Variants in XPO5 observed in about 807,000 individuals in gnomAD.
XPO5 encodes exportin-5.
A neutral mutation model predicts 160.6 loss-of-function variants in XPO5; 46 were observed. The ratio of observed to expected loss-of-function variants is 0.29; its 90% confidence interval spans 0.23 to 0.37. XPO5 has a LOEUF of 0.37. XPO5 is among the 10% of genes least tolerant of loss of function. The probability of loss-of-function intolerance (pLI) is 1.00; values close to 1 mark genes in which losing one functional copy is unlikely to be tolerated. For missense variants in XPO5, 1,090 were observed against 1,463.9 expected, an observed-to-expected ratio of 0.74 and a Z score of 4.17; for synonymous variants, 537 against 519.3, an observed-to-expected ratio of 1.03 and a Z score of -0.46.
At chr6:43,528,627 C>T (rs1473349047) in intron 24 of XPO5, among the ~76,000 whole-genome samples, 2 of 152,112 alleles carry the variant, frequency 1.3e-5, no homozygotes, top group Non-Finnish European at 2.9e-5. Context: ...CTGAAGCTGT[C>T]TTGTGGCAAT....
rs1793418888 is a variant in XPO5 at position 43,524,463 on chromosome 6, T to C, written c.3477+8A>G. On this transcript the variant is annotated splice_region_variant and intron_variant, in intron 31 of 31. Coordinates refer to ENST00000265351, the MANE Select transcript of XPO5 (RefSeq NM_020750.3). ...GGTTGGGAGCACTATTGAAGGTGCA[T>C]GACCTACCCCAATGCAACCAGCAAT... is the stretch of plus-strand genomic sequence containing the variant. 1 of 1,612,644 alleles carries C rather than the reference T, an allele frequency of 6.2e-7. No individual in the cohort carries two copies. Among genetic ancestry groups the C allele is most frequent in the South Asian group, 1.1e-5 (1 of 90,940 alleles).
intron 21 of XPO5, 98 bp downstream of exon 21, chr6:43,533,809 T>A: frequency 1.2e-6 from 1 of 852,682 alleles, no homozygotes; most frequent in Non-Finnish European, 1.8e-6. Flanking sequence ...CACTCTAGCC[T>A]GGGTGACAGA....
rs542616289 is a variant in XPO5 at position 43,568,890 on chromosome 6, A to G, written c.622-153T>C. Reference sequence around the variant, plus strand: ...TAACACAACTTTACTAAGCACGCATAACTGATATTCCCCTAGGGAGAACAA... The same window carrying G: ...TAACACAACTTTACTAAGCACGCATGACTGATATTCCCCTAGGGAGAACAA... On this transcript the variant is annotated intron_variant, in intron 5 of 31. Transcript: ENST00000265351. Among the ~76,000 whole-genome samples the G allele has an allele frequency of 2.0e-4, 31 of 152,372 alleles. No individual in the cohort carries two copies. The South Asian group carries it at 5.8e-3, about 28-fold the overall frequency.
At chr6:43,539,690 G>A in intron 20 of XPO5, 1 of 791,256 alleles carries the variant, frequency 1.3e-6, no homozygotes, top group East Asian at 2.7e-5. Flanking sequence ...CACTGCACCG[G>A]CGTCATCCGC....
chr6:43,567,418 A>G, intron 6 of XPO5, 64 bp from the exon 7 acceptor site: 2 of 1,416,332 alleles, frequency 1.4e-6, no homozygotes, highest in Non-Finnish European at 9.5e-7. Context: ...ATCAGTGGTT[A>G]TAACTGAACT....
At chr6:43,564,191 T>A (rs1247900359) in intron 8 of XPO5, among the ~76,000 whole-genome samples, 2 of 152,122 alleles carry the variant, frequency 1.3e-5, no homozygotes, top group East Asian at 3.9e-4. Flanking sequence ...TAAAGTGCTG[T>A]GATCACAAGC....
intron 20 of XPO5, among the ~76,000 whole-genome samples, chr6:43,545,331 G>C (rs947059153): frequency 2.6e-5 from 4 of 152,122 alleles, no homozygotes; most frequent in Non-Finnish European, 4.4e-5. Flanking sequence ...GAATAATTTG[G>C]TTTGCCCCGT....
chr6:43,549,522 G>A lies in XPO5; in HGVS notation c.1827C>T (p.Ile609=). 1 of 1,613,234 alleles carries A rather than the reference G, an allele frequency of 6.2e-7. No individual in the cohort carries two copies. Among genetic ancestry groups the A allele is most frequent in the East Asian group, 2.2e-5 (1 of 44,846 alleles). The stretch of plus-strand genomic sequence containing the variant: ...GCTGGGGGTAGTCACGACACATCTT[G>A]ATGATGGAGGAACAAGCATGCCTCC... ...NVRRHACSSI[I]KMCRDYPQLV... The change falls in exon 17 of 32, where the codon ATC becomes ATT. Residue 609 remains isoleucine (I), a synonymous_variant. Transcript: ENST00000265351.
At chr6:43,564,465 G>C (rs574343582) in intron 8 of XPO5, among the ~76,000 whole-genome samples, 3 of 151,888 alleles carry the variant, frequency 2.0e-5, no homozygotes, top group African/African-American at 7.2e-5. Context: ...GGAGGCAGAG[G>C]TTGCAGTGAG....
intron 22 of XPO5, among the ~76,000 whole-genome samples, chr6:43,531,215 C>G (rs1341308120): frequency 3.3e-5 from 5 of 149,722 alleles, no homozygotes; most frequent in Non-Finnish European, 7.5e-5. Context: ...TTAGCTTCGA[C>G]TTGGGTTTCA....
In XPO5 at chr6:43,571,001, A is replaced by G. The variant is rs745614699; in HGVS notation, c.301-7T>C. 12 of 1,610,152 alleles carry G rather than the reference A, an allele frequency of 7.5e-6. No individual in the cohort carries two copies. The South Asian group carries it at 1.3e-4, about 18-fold the overall frequency. The stretch of plus-strand genomic sequence containing the variant: ...CCAAAATGTTCAATGTTCCCTGAAA[A>G]AGAACAAGAGATATTAAGAGATATG... On this transcript the variant is annotated splice_region_variant and splice_polypyrimidine_tract_variant and intron_variant, in intron 3 of 31. Coordinates refer to ENST00000265351, the MANE Select transcript of XPO5 (RefSeq NM_020750.3).
rs1793419544 is a variant in XPO5, at chr6:43,524,471, C to T, written c.3477G>A (p.Gly1159=). 1.9e-6 allele frequency: 3 copies of T among 1,613,024 alleles called. No homozygotes were observed. Among genetic ancestry groups the T allele is most frequent in the East Asian group, 4.5e-5 (2 of 44,882 alleles). The change falls in exon 31 of 32, where the codon GGG becomes GGA. Residue 1159 remains glycine (G), a splice_region_variant and synonymous_variant. Coordinates refer to ENST00000265351, the MANE Select transcript of XPO5 (RefSeq NM_020750.3). ...QFKRLIAGCI[G]KPLGEQFRKE... is the part of the protein sequence containing the mutation. Reference sequence around the variant, plus strand: ...GCACTATTGAAGGTGCATGACCTACCCCAATGCAACCAGCAATGAGGCGTT... The same window carrying T: ...GCACTATTGAAGGTGCATGACCTACTCCAATGCAACCAGCAATGAGGCGTT...
At chr6:43,549,386 G>T in intron 17 of XPO5, 103 bp downstream of exon 17, 3 of 1,176,134 alleles carry the variant, frequency 2.6e-6, no homozygotes, top group Non-Finnish European at 3.6e-6. Flanking sequence ...ATGATGCAAA[G>T]CTATAGTTTC....
chr6:43,559,879 G>A (rs574354371), intron 11 of XPO5, among the ~76,000 whole-genome samples: 2 of 151,912 alleles, frequency 1.3e-5, no homozygotes. Context: ...GCAGTGCTGC[G>A]ATCTCAGCTC....
At chr6:43,534,265 A>G (rs1395794676) in intron 20 of XPO5, among the ~76,000 whole-genome samples, 1 of 152,254 alleles carries the variant, frequency 6.6e-6, no homozygotes, top group East Asian at 1.9e-4. Context: ...ACAGTATCAG[A>G]GTCCAAAGCT....
In XPO5 at chr6:43,551,285, A is replaced by C; in HGVS notation, c.1728+13T>G. On this transcript the variant is annotated intron_variant, in intron 15 of 31. Transcript: ENST00000265351. Reference sequence around the variant, plus strand: ...TGTCAAAATAAAATTTACAAAGGAGATGGGCTTTATACCTTAGAGAAGACC... The same window carrying C: ...TGTCAAAATAAAATTTACAAAGGAGCTGGGCTTTATACCTTAGAGAAGACC... The C allele has an allele frequency of 6.4e-7, 1 of 1,563,784 alleles. No individual in the cohort carries two copies. Among genetic ancestry groups the C allele is most frequent in the African/African-American group, 1.4e-5 (1 of 72,376 alleles).
chr6:43,575,075 A>G (rs1031735235), intron 1 of XPO5, among the ~76,000 whole-genome samples: 1 of 152,206 alleles, frequency 6.6e-6, no homozygotes, highest in Non-Finnish European at 1.5e-5. Context: ...CAGTCCCAAG[A>G]GCAGAGCATT....
chr6:43,527,174 C>T (rs959273765), intron 26 of XPO5: 13 of 213,160 alleles, frequency 6.1e-5, no homozygotes, highest in Middle Eastern at 2.0e-3. Context: ...TTTTGTTTCC[C>T]CATATTCAGC....
chr6:43,556,542 A>AT (rs1227740419), intron 12 of XPO5, among the ~76,000 whole-genome samples: 2 of 150,036 alleles, frequency 1.3e-5, no homozygotes, highest in Non-Finnish European at 2.9e-5. Context: ...AAAAAAAAAA[A>AT]TTTTTAAAAA....
Sources: allele counts gnomAD v4.1 joint callset (sites outside exome capture counted in the v4.1 genomes callset), GRCh38; gene constraint gnomAD v4.1.1; transcripts MANE v1.5; gene names NCBI Gene and HGNC (gene_info 2026-07-23, HGNC 2026-07-21).